NRXN1: variants seen among roughly 807,000 people sequenced by gnomAD.
NRXN1 encodes neurexin-1.
In NRXN1, 39 loss-of-function variants were observed where a neutral mutation model predicts 150.9. That is an observed-to-expected ratio of 0.26 (90% CI 0.20 to 0.34). The LOEUF (loss-of-function observed/expected upper bound fraction) is 0.34, where lower values mean the gene tolerates loss of function less well. NRXN1 is among the 10% of genes least tolerant of loss of function. The pLI, the probability that NRXN1 is intolerant of heterozygous loss-of-function variation, is 1.00. For synonymous variants in NRXN1, 924 were observed against 757.0 expected (o/e 1.22, Z -3.62); for missense variants, 1,815 against 1,949.9 (o/e 0.93, Z 1.30).
At chr2:50,576,387 T>G (rs1671437911) in intron 8 of NRXN1, among the ~76,000 whole-genome samples, 1 of 152,102 alleles carries the variant, frequency 6.6e-6, no homozygotes, top group Non-Finnish European at 1.5e-5. Flanking sequence ...GTGTCCAATA[T>G]AAAACAAAAC....
intron 17 of NRXN1, among the ~76,000 whole-genome samples, chr2:50,278,377 C>A (rs72823098): frequency 0.032 from 4,553 of 143,596 alleles, 164 homozygotes; most frequent in East Asian, 0.12. Context: ...CTGGTGAACA[C>A]CTGACCTCAA....
intron 5 of NRXN1, among the ~76,000 whole-genome samples, chr2:50,663,514 T>C (rs1171921137): frequency 6.6e-6 from 1 of 152,024 alleles, no homozygotes; most frequent in East Asian, 1.9e-4. Context: ...GTCTAAGTTA[T>C]CTCTTTAGAT....
intron 17 of NRXN1, among the ~76,000 whole-genome samples, chr2:50,326,039 A>C (rs2076364079): frequency 6.6e-6 from 1 of 152,216 alleles, no homozygotes; most frequent in African/African-American, 2.4e-5. Context: ...AAGAAGTTCA[A>C]AGTAAGCATT....
intron 22 of NRXN1, among the ~76,000 whole-genome samples, chr2:49,941,375 T>C (rs1430347681): frequency 6.6e-6 from 1 of 151,078 alleles, no homozygotes; most frequent in Non-Finnish European, 1.5e-5. Context: ...CCATCCGCCT[T>C]TTCTCTCCTC....
At chr2:50,633,833 A>C (rs1280273617) in intron 5 of NRXN1, among the ~76,000 whole-genome samples, 1 of 152,168 alleles carries the variant, frequency 6.6e-6, no homozygotes, top group Non-Finnish European at 1.5e-5. Context: ...AAGTGAGTCA[A>C]GTATAAGTGA....
chr2:50,345,212 T>C (rs1301747339), intron 17 of NRXN1, among the ~76,000 whole-genome samples: 1 of 152,204 alleles, frequency 6.6e-6, no homozygotes, highest in Non-Finnish European at 1.5e-5. Context: ...AGGAACAAAT[T>C]CCTAGAACCC....
chr2:50,781,662 G>T (rs540320535), intron 5 of NRXN1, among the ~76,000 whole-genome samples: 1 of 152,194 alleles, frequency 6.6e-6, no homozygotes, highest in African/African-American at 2.4e-5. Context: ...TATATAAATA[G>T]TGACTTTTCA....
chr2:50,166,675 T>C (rs1439826773), intron 18 of NRXN1, among the ~76,000 whole-genome samples: 2 of 152,206 alleles, frequency 1.3e-5, no homozygotes, highest in African/African-American at 4.8e-5. Context: ...CTAAAACCTA[T>C]TTATTAAATG....
intron 18 of NRXN1, among the ~76,000 whole-genome samples, chr2:50,233,702 G>A (rs991621187): frequency 3.9e-5 from 6 of 151,986 alleles, no homozygotes; most frequent in Admixed American, 2.6e-4. Context: ...AACTTTTACA[G>A]ATAAAAATGT....
chr2:50,796,023 G>C (rs1465870278), intron 5 of NRXN1, among the ~76,000 whole-genome samples: 1 of 152,010 alleles, frequency 6.6e-6, no homozygotes, highest in Non-Finnish European at 1.5e-5. Context: ...AGTCAAGTCT[G>C]GGGGAAACTG....
chr2:50,255,156 A>C (rs911989297), intron 17 of NRXN1, among the ~76,000 whole-genome samples: 13 of 152,192 alleles, frequency 8.5e-5, no homozygotes, highest in African/African-American at 2.9e-4. Context: ...ACAAACAAAA[A>C]AAACTGGAAA....
At chr2:50,767,104 G>A (rs913964431) in intron 5 of NRXN1, among the ~76,000 whole-genome samples, 1 of 152,006 alleles carries the variant, frequency 6.6e-6, no homozygotes, top group African/African-American at 2.4e-5. Context: ...CAGTTGCCCA[G>A]GAAATTTGCT....
chr2:50,347,927 T>C lies in NRXN1; in HGVS notation c.3365-110957A>G. ...CCTGCTTTGCCTCTCCCTTGCATTC[T>C]CCACGCATCAAAGGGACACGTGTAA... is the stretch of plus-strand genomic sequence containing the variant. On this transcript the variant is annotated intron_variant, in intron 17 of 22. Coordinates refer to ENST00000401669, the MANE Select transcript of NRXN1 (RefSeq NM_001330078.2). The surrounding 1 kb of genome is among the most constrained non-coding windows in gnomAD (Gnocchi z 4.9). The C allele has an allele frequency of 9.3e-6, 7 of 754,830 alleles. No homozygotes were observed. Among genetic ancestry groups the C allele is most frequent in the Non-Finnish European group, 1.1e-5 (7 of 619,780 alleles). 46.8% of individuals were successfully genotyped at this position (754,830 alleles called of 1,614,324 possible).
At chr2:50,429,215 T>C (rs1019481587) in intron 17 of NRXN1, among the ~76,000 whole-genome samples, 1 of 152,104 alleles carries the variant, frequency 6.6e-6, no homozygotes, top group Admixed American at 6.5e-5. Context: ...AGAGTGTCTC[T>C]AAAATATGGA....
At chr2:50,956,289 A>G (rs1193359255) in intron 2 of NRXN1, among the ~76,000 whole-genome samples, 1 of 152,242 alleles carries the variant, frequency 6.6e-6, no homozygotes, top group Admixed American at 6.5e-5. Flanking sequence ...ATAAATATGT[A>G]TGGATAGGGA....
chr2:49,981,546 C>A (rs370774475), intron 21 of NRXN1, among the ~76,000 whole-genome samples: 1 of 152,054 alleles, frequency 6.6e-6, no homozygotes, highest in East Asian at 1.9e-4. Context: ...TCTTCCCCCC[C>A]ACTTTTCCCG....
At chr2:50,344,996 G>A (rs1446417087) in intron 17 of NRXN1, among the ~76,000 whole-genome samples, 1 of 152,204 alleles carries the variant, frequency 6.6e-6, no homozygotes, top group Non-Finnish European at 1.5e-5. Flanking sequence ...GGCAGTGGTT[G>A]AGAACTGCAC....
chr2:50,567,128 C>T (rs1226353526), intron 8 of NRXN1, among the ~76,000 whole-genome samples: 1 of 152,184 alleles, frequency 6.6e-6, no homozygotes. Flanking sequence ...GCTCACTTCA[C>T]TCTTAGGACC....
intron 8 of NRXN1, among the ~76,000 whole-genome samples, chr2:50,587,291 C>T (rs554297579): frequency 2.0e-4 from 31 of 152,418 alleles, no homozygotes; most frequent in African/African-American, 7.2e-4. Flanking sequence ...TTGAGACCAA[C>T]CTGGGCAACA....
Sources: gnomAD v4.1 joint callset for allele counts (sites outside exome capture counted in the v4.1 genomes callset) on GRCh38, gnomAD v4.1.1 for gene constraint, Gnocchi (gnomAD v3.1) non-coding constraint, MANE v1.5 for transcripts, NCBI Gene and HGNC (gene_info 2026-07-23, HGNC 2026-07-21) for gene names.